Variants in MYO16 observed in about 807,000 individuals in gnomAD.
MYO16 encodes myosin XVI.
MYO16 carries 94 observed loss-of-function variants against 205.3 expected under a neutral mutation model. The ratio of observed to expected loss-of-function variants is 0.46; its 90% CI spans 0.39 to 0.54. The LOEUF is 0.54. Ranked by LOEUF, MYO16 falls within the 20% of genes least tolerant of loss-of-function variation. The pLI, the probability that MYO16 is intolerant of heterozygous loss-of-function variation, is 0.00. For synonymous variants in MYO16, 988 were observed against 954.0 expected, an observed-to-expected ratio of 1.04 and a Z score of -0.66; for missense variants, 2,315 against 2,387.5, an observed-to-expected ratio of 0.97 and a Z score of 0.63.
At chr13:108,784,220 C>G (rs1266547931) in intron 4 of MYO16, among the ~76,000 whole-genome samples, 1 of 151,414 alleles carries the variant, frequency 6.6e-6, no homozygotes, top group Non-Finnish European at 1.5e-5. Context: ...GAAGAATATC[C>G]CTGAAGTCAG....
Position 109,125,765 on chromosome 13 carries a change from GA to G in MYO16, c.3782+408del, listed in dbSNP as rs1876218087. Among the ~76,000 whole-genome samples the G allele has an allele frequency of 6.6e-6, 1 of 152,180 alleles. No homozygotes were observed. Among genetic ancestry groups the G allele is most frequent in the African/African-American group, 2.4e-5 (1 of 41,450 alleles). ...CTGGAAATCTGACCCAAAAAATGGAGATACCACTCTGAAAACATGGAAGAAG... is the reference window on the plus strand; with the variant it reads ...CTGGAAATCTGACCCAAAAAATGGAGTACCACTCTGAAAACATGGAAGAAG... On this transcript the variant is annotated intron_variant, in intron 30 of 34. Transcript: ENST00000457511. The surrounding 1 kb of genome is among the most constrained non-coding windows in gnomAD (Gnocchi z 4.0).
chr13:109,100,915 A>G, intron 28 of MYO16, 28 bp downstream of exon 28: 1 of 1,578,828 alleles, frequency 6.3e-7, no homozygotes, highest in Non-Finnish European at 8.7e-7. Context: ...TATGAAAATA[A>G]CATTTTAGGA....
intron 4 of MYO16, chr13:108,780,106 CA>C (rs1367755723): frequency 6.6e-6 from 1 of 152,032 alleles, no homozygotes; most frequent in Admixed American, 6.5e-5. Flanking sequence ...TGTGGCAGCT[CA>C]AAGAAACAGT....
intron 16 of MYO16, among the ~76,000 whole-genome samples, chr13:108,924,990 T>C (rs1881924643): frequency 6.6e-6 from 1 of 152,170 alleles, no homozygotes; most frequent in Non-Finnish European, 1.5e-5. Flanking sequence ...GTACTTGTCT[T>C]TCTGGGAATA....
chr13:109,106,525 G>A (rs1889126578), intron 28 of MYO16, among the ~76,000 whole-genome samples: 1 of 152,172 alleles, frequency 6.6e-6, no homozygotes, highest in Admixed American at 6.5e-5. Flanking sequence ...CTAATTCTAA[G>A]TGGAAAAATA....
intron 4 of MYO16, among the ~76,000 whole-genome samples, chr13:108,760,736 G>A (rs112676752): frequency 6.6e-6 from 1 of 152,120 alleles, no homozygotes; most frequent in African/African-American, 2.4e-5. Flanking sequence ...GTTCACAGAG[G>A]CTGGGAAGGG....
intron 1 of MYO16, among the ~76,000 whole-genome samples, chr13:108,651,191 A>G (rs1880987094): frequency 1.3e-5 from 2 of 152,134 alleles, no homozygotes; most frequent in Non-Finnish European, 2.9e-5. Context: ...GGTGCCCTGC[A>G]GCACTCTGTG....
intron 16 of MYO16, among the ~76,000 whole-genome samples, chr13:108,951,852 C>T (rs1566428956): frequency 6.6e-6 from 1 of 152,144 alleles, no homozygotes; most frequent in Non-Finnish European, 1.5e-5. Flanking sequence ...CCTGTAATCC[C>T]AGCACTTTGG....
chr13:108,955,533 T>C (rs546579347), intron 16 of MYO16, among the ~76,000 whole-genome samples: 2 of 152,314 alleles, frequency 1.3e-5, no homozygotes, highest in African/African-American at 4.8e-5. Context: ...CTGTGGTCTC[T>C]TTTCCATCAC....
At chr13:108,790,212 A>G (rs1051720139) in intron 5 of MYO16, among the ~76,000 whole-genome samples, 2 of 152,240 alleles carry the variant, frequency 1.3e-5, no homozygotes, top group African/African-American at 4.8e-5. Context: ...ATCATCAGAG[A>G]AAAGGAAAAG....
At chr13:108,786,401 TTAAAC>T (rs1169124875) in intron 5 of MYO16, among the ~76,000 whole-genome samples, 1 of 152,210 alleles carries the variant, frequency 6.6e-6, no homozygotes, top group African/African-American at 2.4e-5. Context: ...CAATATAGTA[TTAAAC>T]TAAAGAATTA....
chr13:108,709,239 T>C (rs1285124074), intron 2 of MYO16, among the ~76,000 whole-genome samples: 1 of 152,238 alleles, frequency 6.6e-6, no homozygotes. Flanking sequence ...AATCATGTTA[T>C]TACAAAGTTG....
At chr13:108,906,726 G>A (rs555288296) in intron 15 of MYO16, among the ~76,000 whole-genome samples, 18 of 152,202 alleles carry the variant, frequency 1.2e-4, no homozygotes, top group Non-Finnish European at 1.9e-4. Flanking sequence ...GTACACGGTA[G>A]GTGCTTTAAG....
At chr13:109,058,725 T>G (rs1463109311) in intron 27 of MYO16, among the ~76,000 whole-genome samples, 1 of 152,082 alleles carries the variant, frequency 6.6e-6, no homozygotes, top group Non-Finnish European at 1.5e-5. Context: ...AGTAATCTCT[T>G]AAAATGAAAC....
At chr13:108,603,943 A>G (rs1594137179) in intron 1 of MYO16, among the ~76,000 whole-genome samples, 1 of 152,110 alleles carries the variant, frequency 6.6e-6, no homozygotes, top group Non-Finnish European at 1.5e-5. Flanking sequence ...ACCAGGTAAT[A>G]TATAAAGAAA....
chr13:109,055,803 A>G lies in MYO16; in HGVS notation c.3335+208A>G. On this transcript the variant is annotated intron_variant, in intron 27 of 34. Coordinates refer to ENST00000457511, the MANE Select transcript of MYO16 (RefSeq NM_001198950.3). This position sits in a 1 kb window ranked among gnomAD's most constrained non-coding sequence, Gnocchi z 5.0. ...CATAAAAAATAATTAAACTGTACTG[A>G]GGACAGTATCTTGGAAACCATTCTC... 2.0e-6 allele frequency: 1 copy of G among 493,156 alleles called. No homozygotes were observed. 30.5% of individuals were successfully genotyped at this position (493,156 alleles called of 1,614,324 possible). A position where few individuals can be genotyped will look rare whatever the true frequency, so the allele number is the denominator to read the frequency against.
chr13:109,024,964 A>T (rs1222364325), intron 23 of MYO16, among the ~76,000 whole-genome samples: 1 of 152,198 alleles, frequency 6.6e-6, no homozygotes, highest in Non-Finnish European at 1.5e-5. Flanking sequence ...GAAAAAGTTA[A>T]CTGATTTGAA....
Position 109,141,418 on chromosome 13 carries a change from C to CAAGCACAGCGTCCA in MYO16, c.5164+42_5164+43insAAGCACAGCGTCCA. The CAAGCACAGCGTCCA allele has an allele frequency of 1.5e-6, 2 of 1,302,708 alleles. No individual in the cohort carries two copies. Among genetic ancestry groups the CAAGCACAGCGTCCA allele is most frequent in the South Asian group, 1.6e-5 (1 of 62,494 alleles). The allele number at this position is 1,302,708 out of a possible 1,614,324, so 80.7% of individuals were successfully genotyped here. A position where few individuals can be genotyped will look rare whatever the true frequency, so the allele number is the denominator to read the frequency against. Reference sequence around the variant, plus strand: ...TCCCCCCACTCCTTTTGCATGGACGCTGTGCTTGCGTGCACCTGTGTACAT... The same window carrying CAAGCACAGCGTCCA: ...TCCCCCCACTCCTTTTGCATGGACGCAAGCACAGCGTCCATGTGCTTGCGTGCACCTGTGTACAT... On this transcript the variant is annotated intron_variant, in intron 32 of 34. Coordinates refer to ENST00000457511, the MANE Select transcript of MYO16 (RefSeq NM_001198950.3). This position sits in a 1 kb window ranked among gnomAD's most constrained non-coding sequence, Gnocchi z 4.1.
chr13:108,764,344 C>T (rs1228600303), intron 4 of MYO16, among the ~76,000 whole-genome samples: 1 of 152,134 alleles, frequency 6.6e-6, no homozygotes, highest in African/African-American at 2.4e-5. Context: ...ATAGCAACTG[C>T]TCATATTTTT....
Sources: allele counts gnomAD v4.1 joint callset (sites outside exome capture counted in the v4.1 genomes callset), GRCh38; gene constraint gnomAD v4.1.1; non-coding constraint Gnocchi (gnomAD v3.1); transcripts MANE v1.5; gene names NCBI Gene and HGNC (gene_info 2026-07-23, HGNC 2026-07-21).